Variants in SVIL observed in about 807,000 individuals in gnomAD.
The protein encoded by SVIL is supervillin, also known as archvillin.
SVIL carries 101 observed loss-of-function variants against 240.4 expected under a neutral mutation model. That is an observed-to-expected ratio of 0.42 (90% CI 0.36 to 0.50). The LOEUF (loss-of-function observed/expected upper bound fraction) is 0.50. Ranked by LOEUF, SVIL falls within the 20% of genes least tolerant of loss-of-function variation. The pLI, the probability that SVIL is intolerant of heterozygous loss-of-function variation, is 0.01. For synonymous variants in SVIL, 999 were observed against 1,100.0 expected (o/e 0.91, Z 1.82); for missense variants, 2,512 against 2,818.7 (o/e 0.89, Z 2.46).
At chr10:29,694,431 G>A (rs1961764822) in intron 1 of SVIL, among the ~76,000 whole-genome samples, 1 of 151,676 alleles carries the variant, frequency 6.6e-6, no homozygotes, top group African/African-American at 2.4e-5. Flanking sequence ...GTTATTGTGA[G>A]CATGGTTACA....
At chr10:29,612,189 C>A (rs1957271218) in intron 1 of SVIL, among the ~76,000 whole-genome samples, 1 of 152,096 alleles carries the variant, frequency 6.6e-6, no homozygotes, top group African/African-American at 2.4e-5. Context: ...GTGGTGAGGT[C>A]ATTCGAGCAA....
At chr10:29,714,948 T>TAAAAAAAAAAAAAAAAAAAAAA (rs61107910) in intron 1 of SVIL, among the ~76,000 whole-genome samples, 4 of 78,418 alleles carry the variant, frequency 5.1e-5, no homozygotes, top group Non-Finnish European at 7.8e-5. Context: ...TGTCTGAAAT[T>TAAAAAAAAAAAAAAAAAAAAAA]AAAAAAAAAA....
chr10:29,526,619 A>G (rs115315075), intron 13 of SVIL, among the ~76,000 whole-genome samples: 1 of 152,102 alleles, frequency 6.6e-6, no homozygotes, highest in Admixed American at 6.5e-5. Context: ...CCATTTTTCT[A>G]TTAATCTTTA....
rs373734388 is a variant in SVIL at position 29,620,470 on chromosome 10, G to A, written c.-201+13950C>T. Among the ~76,000 whole-genome samples the A allele has an allele frequency of 5.0e-4, 76 of 152,250 alleles. No individual in the cohort carries two copies. The South Asian group carries it at 9.7e-3, about 20-fold the overall frequency. ...ACCAAATAAGGGCAGGTGGCAACTCGGATAGTCAACTGTGCGGTTATTTTA... is the reference window on the plus strand; with the variant it reads ...ACCAAATAAGGGCAGGTGGCAACTCAGATAGTCAACTGTGCGGTTATTTTA... On this transcript the variant is annotated intron_variant, in intron 1 of 37. Coordinates refer to ENST00000355867, the MANE Select transcript of SVIL (RefSeq NM_021738.3).
intron 2 of SVIL, 113 bp from the exon 3 acceptor site, chr10:29,563,405 T>C (rs1954686941): frequency 3.5e-6 from 1 of 285,932 alleles, no homozygotes; most frequent in Non-Finnish European, 5.3e-6. Flanking sequence ...TATGTACACA[T>C]AGATTGCAGG....
At chr10:29,548,882 T>A (rs1952942316) in intron 6 of SVIL, among the ~76,000 whole-genome samples, 1 of 152,102 alleles carries the variant, frequency 6.6e-6, no homozygotes, top group Admixed American at 6.5e-5. Flanking sequence ...GGTCCTGAAG[T>A]GAGGAGTCCA....
intron 34 of SVIL, among the ~76,000 whole-genome samples, chr10:29,464,993 AC>A (rs1944723031): frequency 6.6e-6 from 1 of 152,080 alleles, no homozygotes. Flanking sequence ...GGTATGGCAG[AC>A]CCTGTTCCCT....
chr10:29,465,445 G>A, intron 34 of SVIL, 150 bp downstream of exon 34: 1 of 968,358 alleles, frequency 1.0e-6, no homozygotes, highest in Non-Finnish European at 1.5e-6. Flanking sequence ...GTAGGGGTGA[G>A]GATGAAAAGA....
chr10:29,583,595 C>T (rs1451148946), intron 1 of SVIL, among the ~76,000 whole-genome samples: 8 of 152,130 alleles, frequency 5.3e-5, no homozygotes, highest in African/African-American at 1.9e-4. Flanking sequence ...CCACTGCACC[C>T]GGCCTCCATG....
At chr10:29,591,134 AT>A (rs1302644435) in intron 1 of SVIL, among the ~76,000 whole-genome samples, 1 of 152,252 alleles carries the variant, frequency 6.6e-6, no homozygotes, top group Non-Finnish European at 1.5e-5. Flanking sequence ...CCAAATAAAG[AT>A]TAATGTTTCA....
chr10:29,529,377 C>CCAGGAGT lies in SVIL; in HGVS notation c.2246+327_2246+328insACTCCTG, dbSNP rs1564581204. On this transcript the variant is annotated intron_variant, in intron 12 of 37. Transcript: ENST00000355867. Reference sequence around the variant, plus strand: ...CGGGCTGAGCATCACCGGCCAGGAGCGGGTGACCGTGGAAGCTGGGGTTTC... The same window carrying CCAGGAGT: ...CGGGCTGAGCATCACCGGCCAGGAGCCAGGAGTGGGTGACCGTGGAAGCTGGGGTTTC... 6.5e-3 allele frequency among the ~76,000 whole-genome samples: 713 copies of CCAGGAGT among 108,864 alleles called. 6 individuals are homozygous for CCAGGAGT. Among genetic ancestry groups the CCAGGAGT allele is most frequent in the African/African-American group, 0.023 (672 of 28,858 alleles). 71.4% of individuals were successfully genotyped at this position (108,864 alleles called of 152,430 possible).
chr10:29,611,705 G>A (rs1377419048), intron 1 of SVIL, among the ~76,000 whole-genome samples: 5 of 152,162 alleles, frequency 3.3e-5, no homozygotes, highest in South Asian at 2.1e-4. Context: ...CTGCAGAATC[G>A]TGCAGGTGAG....
At chr10:29,700,821 C>T (rs1335636919) in intron 1 of SVIL, among the ~76,000 whole-genome samples, 60 of 152,036 alleles carry the variant, frequency 3.9e-4, no homozygotes, top group Admixed American at 3.9e-3. Context: ...GGCACCCCTA[C>T]CCCCACCTGC....
intron 30 of SVIL, chr10:29,473,442 A>C: frequency 4.4e-6 from 1 of 228,738 alleles, no homozygotes; most frequent in Non-Finnish European, 8.5e-6. Context: ...TCCTCATCCT[A>C]CCGAGGCCTT....
chr10:29,587,079 C>T (rs7898311), intron 1 of SVIL, among the ~76,000 whole-genome samples: 40,351 of 152,070 alleles, frequency 0.27, 5,588 homozygotes, highest in Admixed American at 0.31. Flanking sequence ...GTCCATACTC[C>T]GTAGAATAAG....
At chr10:29,688,176 A>C (rs990630480) in intron 1 of SVIL, among the ~76,000 whole-genome samples, 1 of 152,242 alleles carries the variant, frequency 6.6e-6, no homozygotes, top group African/African-American at 2.4e-5. Flanking sequence ...ATATAAATGA[A>C]AAGTGCAGAA....
chr10:29,688,301 G>A (rs560887484), intron 1 of SVIL, among the ~76,000 whole-genome samples: 71 of 152,316 alleles, frequency 4.7e-4, no homozygotes, highest in Admixed American at 8.5e-4. Context: ...CTCTGGAGAC[G>A]GTTGGTCTGA....
chr10:29,532,795 C>A lies in SVIL; in HGVS notation c.1572G>T (p.Val524=), dbSNP rs1411708182. The change falls in exon 8 of 38, where the codon GTG becomes GTT. Residue 524 remains valine (V), a synonymous_variant. Coordinates refer to ENST00000355867, the MANE Select transcript of SVIL (RefSeq NM_021738.3). ...EMVLYIQSEP[V]SQDAKPTGHN... is the part of the protein sequence containing the mutation. ...GACCAGTTGGTTTGGCGTCTTGGGA[C>A]ACAGGCTCACTTTGAATGTAGAGAA... 6.2e-7 allele frequency: 1 copy of A among 1,614,104 alleles called. No homozygotes were observed. Among genetic ancestry groups the A allele is most frequent in the East Asian group, 2.2e-5 (1 of 44,864 alleles).
At chr10:29,707,984 G>T (rs183233368) in intron 1 of SVIL, among the ~76,000 whole-genome samples, 2 of 152,296 alleles carry the variant, frequency 1.3e-5, no homozygotes, top group African/African-American at 4.8e-5. Flanking sequence ...CAGGCCATGC[G>T]CGGTGGCTCA....
Sources: gnomAD v4.1 joint callset for allele counts (sites outside exome capture counted in the v4.1 genomes callset) on GRCh38, gnomAD v4.1.1 for gene constraint, MANE v1.5 for transcripts, NCBI Gene and HGNC (gene_info 2026-07-23, HGNC 2026-07-21) for gene names.